The following ATP8A2 variants were observed in gnomAD, a reference collection of about 807,000 sequenced individuals.
ATP8A2 encodes the protein phospholipid-transporting ATPase IB.
A neutral mutation model predicts 165.6 loss-of-function variants in ATP8A2; 100 were observed. The observed-to-expected ratio is 0.60, with a 90% confidence interval of 0.51 to 0.71. ATP8A2 has a LOEUF of 0.71. ATP8A2 is among the 30% of genes least tolerant of loss of function. The pLI is 0.00. For synonymous variants in ATP8A2, 543 were observed against 548.8 expected (o/e 0.99, Z 0.15); for missense variants, 1,227 against 1,479.5 (o/e 0.83, Z 2.80).
chr13:25,581,595 A>C (rs2039779298), intron 22 of ATP8A2, among the ~76,000 whole-genome samples: 3 of 152,186 alleles, frequency 2.0e-5, no homozygotes, highest in Admixed American at 6.5e-5. Flanking sequence ...TGTATCAAGA[A>C]ATCAGTGATG....
intron 1 of ATP8A2, among the ~76,000 whole-genome samples, chr13:25,465,734 TCTTTCCCTCCCTCCCTC>T: frequency 1.9e-5 from 1 of 51,818 alleles, no homozygotes; most frequent in African/African-American, 8.3e-5. Context: ...TTTCTTTCTT[TCTTTCCCTCCCTCCCTC>T]TCTCTCTCTC....
intron 25 of ATP8A2, among the ~76,000 whole-genome samples, chr13:25,731,517 G>A (rs2043645005): frequency 6.8e-6 from 1 of 147,616 alleles, no homozygotes; most frequent in Admixed American, 7.0e-5. Flanking sequence ...AAACACTTTT[G>A]GCCAAAGAAT....
At chr13:25,809,535 G>A (rs559308585) in intron 27 of ATP8A2, among the ~76,000 whole-genome samples, 8 of 151,940 alleles carry the variant, frequency 5.3e-5, no homozygotes, top group African/African-American at 1.4e-4. Context: ...TTGGCACCAC[G>A]CTCATAATTC....
intron 27 of ATP8A2, among the ~76,000 whole-genome samples, chr13:25,786,341 T>A (rs1002526338): frequency 1.3e-5 from 2 of 152,158 alleles, no homozygotes; most frequent in Admixed American, 1.3e-4. Context: ...TAAAGATGGA[T>A]CAAGAATAGG....
intron 30 of ATP8A2, among the ~76,000 whole-genome samples, chr13:25,844,423 G>A (rs1409962311): frequency 9.2e-5 from 14 of 152,080 alleles, no homozygotes; most frequent in Non-Finnish European, 1.6e-4. Context: ...TAGAGATGGG[G>A]TTTCACCCTG....
At chr13:25,539,209 A>G (rs1004926593) in intron 7 of ATP8A2, among the ~76,000 whole-genome samples, 8 of 151,836 alleles carry the variant, frequency 5.3e-5, no homozygotes, top group Non-Finnish European at 1.0e-4. Context: ...TGATCCTCCC[A>G]TCTCAGCCTC....
At chr13:25,562,725 C>A (rs1173431432) in intron 15 of ATP8A2, among the ~76,000 whole-genome samples, 1 of 152,000 alleles carries the variant, frequency 6.6e-6, no homozygotes, top group Non-Finnish European at 1.5e-5. Context: ...GGATGCCTAA[C>A]CTATCCACAT....
At chr13:25,752,110 C>T (rs2138200208) in intron 25 of ATP8A2, among the ~76,000 whole-genome samples, 1 of 151,968 alleles carries the variant, frequency 6.6e-6, no homozygotes, top group South Asian at 2.1e-4. Flanking sequence ...AATCTGAATA[C>T]AAATTTTACA....
intron 1 of ATP8A2, 134 bp from the exon 2 acceptor site, chr13:25,468,843 A>G (rs2035750563): frequency 1.4e-6 from 2 of 1,408,732 alleles, no homozygotes; most frequent in South Asian, 1.5e-5. Context: ...GAGCCAAGGT[A>G]CGTAGGCGGC....
At chr13:25,412,073 G>A (rs2033983129) in intron 1 of ATP8A2, among the ~76,000 whole-genome samples, 1 of 152,150 alleles carries the variant, frequency 6.6e-6, no homozygotes, top group African/African-American at 2.4e-5. Context: ...TGAAAATACA[G>A]ACTACTTTGT....
At chr13:25,462,092 C>G (rs892481776) in intron 1 of ATP8A2, among the ~76,000 whole-genome samples, 1 of 152,224 alleles carries the variant, frequency 6.6e-6, no homozygotes, top group African/African-American at 2.4e-5. Context: ...CAAGTTTCTG[C>G]AGATCTGGCT....
intron 24 of ATP8A2, among the ~76,000 whole-genome samples, chr13:25,655,410 C>T (rs529974048): frequency 1.4e-4 from 21 of 152,306 alleles, no homozygotes. Context: ...CCACCCACCT[C>T]GGCCTCCCAA....
intron 1 of ATP8A2, among the ~76,000 whole-genome samples, chr13:25,430,461 T>C (rs2034577706): frequency 6.6e-6 from 1 of 152,164 alleles, no homozygotes; most frequent in South Asian, 2.1e-4. Context: ...AGACTTGTCA[T>C]TGACCTCGGC....
intron 28 of ATP8A2, among the ~76,000 whole-genome samples, chr13:25,834,523 C>T (rs1038232922): frequency 1.3e-5 from 2 of 151,940 alleles, no homozygotes; most frequent in African/African-American, 2.4e-5. Flanking sequence ...GGGTGAATGG[C>T]TAAAAAAAAT....
At chr13:25,406,163 A>G (rs890225115) in intron 1 of ATP8A2, among the ~76,000 whole-genome samples, 1 of 152,164 alleles carries the variant, frequency 6.6e-6, no homozygotes, top group African/African-American at 2.4e-5. Context: ...AGGTTGACAT[A>G]TACAGTTTCT....
chr13:25,587,347 A>G (rs2039951455), intron 23 of ATP8A2, among the ~76,000 whole-genome samples: 1 of 152,176 alleles, frequency 6.6e-6, no homozygotes, highest in African/African-American at 2.4e-5. Flanking sequence ...CAAAACCCTT[A>G]ACCTGTTTCT....
At chr13:25,764,602 T>C (rs2044452870) in intron 25 of ATP8A2, among the ~76,000 whole-genome samples, 1 of 152,216 alleles carries the variant, frequency 6.6e-6, no homozygotes, top group Non-Finnish European at 1.5e-5. Flanking sequence ...GCCCAGGCTT[T>C]CTGATCAGAG....
chr13:25,524,897 TC>T (rs2137868738), intron 2 of ATP8A2, among the ~76,000 whole-genome samples: 1 of 62,356 alleles, frequency 1.6e-5, no homozygotes, highest in South Asian at 3.8e-4. Flanking sequence ...CTTCCTTCCT[TC>T]CTTCCTTCCT....
chr13:25,397,457 G>A (rs1311890700), intron 1 of ATP8A2, among the ~76,000 whole-genome samples: 2 of 152,008 alleles, frequency 1.3e-5, no homozygotes, highest in African/African-American at 4.8e-5. Flanking sequence ...TCCTAATAAG[G>A]CGTGGAGGGG....
Sources: gnomAD v4.1 joint callset for allele counts (sites outside exome capture counted in the v4.1 genomes callset) on GRCh38, gnomAD v4.1.1 for gene constraint, MANE v1.5 for transcripts, NCBI Gene and HGNC (gene_info 2026-07-23, HGNC 2026-07-21) for gene names.